Variants in NME7 observed in about 807,000 individuals in gnomAD.
The protein encoded by NME7 is NME/NM23 family member 7.
In NME7, 41 loss-of-function variants were observed where a neutral mutation model predicts 49.1. The observed-to-expected ratio is 0.83, with a 90% CI of 0.65 to 1.08. NME7 has a LOEUF of 1.08. NME7 is among the 50% of genes least tolerant of loss of function. The pLI is 0.00. For synonymous variants in NME7, 139 were observed against 150.6 expected (o/e 0.92, Z 0.56); for missense variants, 423 against 463.4 (o/e 0.91, Z 0.80).
chr1:169,223,774 C>CATAT lies in NME7; in HGVS notation c.990+6940_990+6943dup, dbSNP rs369704336. On this transcript the variant is annotated intron_variant, in intron 10 of 11. Coordinates refer to ENST00000367811, the MANE Select transcript of NME7 (RefSeq NM_013330.5). ...TGGAATATGTGTATGGGAATACATG[C>CATAT]ATATATATATATAGAGAGAGAGAGA... Among the ~76,000 whole-genome samples, 720 of 151,018 alleles carry CATAT rather than the reference C, an allele frequency of 4.8e-3. 6 individuals are homozygous for CATAT. Among genetic ancestry groups the CATAT allele is most frequent in the African/African-American group, 0.016 (660 of 41,008 alleles).
At chr1:169,269,775 A>T (rs1288643763) in intron 7 of NME7, among the ~76,000 whole-genome samples, 5 of 134,508 alleles carry the variant, frequency 3.7e-5, no homozygotes, top group Non-Finnish European at 8.7e-5. Context: ...ATTGGTCAAT[A>T]TTCTAATAAA....
chr1:169,237,578 GA>G lies in NME7; in HGVS notation c.819+44del, dbSNP rs142584535. 3.6e-3 allele frequency: 5,212 copies of G among 1,437,852 alleles called. 82 individuals carry two copies. In the African/African-American group the frequency reaches 0.048, roughly 13 times the overall value. 89.1% of individuals were successfully genotyped at this position (1,437,852 alleles called of 1,614,324 possible). On this transcript the variant is annotated intron_variant, in intron 8 of 11. Transcript: ENST00000367811. ...TGTAAAGCATTTTATAACTATTTTT[GA>G]AAAAAATCCTCACAAATATTATGGT...
chr1:169,296,651 T>C (rs1265807306), intron 6 of NME7, among the ~76,000 whole-genome samples: 2 of 152,176 alleles, frequency 1.3e-5, no homozygotes, highest in Non-Finnish European at 2.9e-5. Flanking sequence ...GTTAAGTTTA[T>C]AAATGTCCAA....
At chr1:169,345,329 A>G (rs898111320) in intron 1 of NME7, among the ~76,000 whole-genome samples, 1 of 151,774 alleles carries the variant, frequency 6.6e-6, no homozygotes, top group African/African-American at 2.4e-5. Context: ...TTCTACTCCA[A>G]TACTTATCTC....
At chr1:169,233,004 A>G (rs937265610) in intron 9 of NME7, among the ~76,000 whole-genome samples, 5 of 137,020 alleles carry the variant, frequency 3.6e-5, no homozygotes, top group Non-Finnish European at 7.6e-5. Flanking sequence ...CTGCAACCTC[A>G]GCCTCCAGGG....
At chr1:169,183,753 G>A (rs1449029890) in intron 10 of NME7, among the ~76,000 whole-genome samples, 1 of 151,730 alleles carries the variant, frequency 6.6e-6, no homozygotes, top group Non-Finnish European at 1.5e-5. Context: ...AGTGAGCCGA[G>A]ATCACGCCAC....
chr1:169,342,362 C>G (rs574854873), intron 1 of NME7, among the ~76,000 whole-genome samples: 1 of 151,616 alleles, frequency 6.6e-6, no homozygotes, highest in African/African-American at 2.4e-5. Flanking sequence ...CTGAGGCCTC[C>G]GCAGCCATGT....
chr1:169,328,534 T>A (rs191540949), intron 1 of NME7, among the ~76,000 whole-genome samples: 1 of 152,122 alleles, frequency 6.6e-6, no homozygotes, highest in Non-Finnish European at 1.5e-5. Flanking sequence ...AGGTAAATAG[T>A]TTTTTAAAGG....
chr1:169,283,489 T>C (rs1650123969), intron 7 of NME7, among the ~76,000 whole-genome samples: 1 of 152,236 alleles, frequency 6.6e-6, no homozygotes, highest in East Asian at 1.9e-4. Context: ...CCTGTCATTA[T>C]GATGTTAGCT....
intron 1 of NME7, among the ~76,000 whole-genome samples, chr1:169,325,691 T>G (rs1652034893): frequency 6.6e-6 from 1 of 152,168 alleles, no homozygotes; most frequent in South Asian, 2.1e-4. Context: ...TCTTTTTAAG[T>G]TAATAATTGA....
intron 10 of NME7, among the ~76,000 whole-genome samples, chr1:169,228,683 CAAAAA>C (rs747705690): frequency 2.2e-5 from 2 of 90,426 alleles, no homozygotes; most frequent in Non-Finnish European, 4.1e-5. Flanking sequence ...GACTCCGTCT[CAAAAA>C]AAAAAAAAAA....
chr1:169,152,644 T>G (rs879622513), intron 11 of NME7, among the ~76,000 whole-genome samples: 3 of 152,172 alleles, frequency 2.0e-5, no homozygotes, highest in Admixed American at 2.0e-4. Flanking sequence ...AGACAGATAC[T>G]CTTCAAAGAA....
At chr1:169,354,467 A>T (rs896627062) in intron 1 of NME7, among the ~76,000 whole-genome samples, 1 of 151,814 alleles carries the variant, frequency 6.6e-6, no homozygotes, top group Non-Finnish European at 1.5e-5. Flanking sequence ...ATAGCATAAC[A>T]GGGTGACTAT....
At chr1:169,317,854 C>T (rs997990858) in intron 3 of NME7, among the ~76,000 whole-genome samples, 1 of 152,204 alleles carries the variant, frequency 6.6e-6, no homozygotes, top group Non-Finnish European at 1.5e-5. Flanking sequence ...AGTGCTCTCT[C>T]TCTCTACTTC....
Position 169,263,768 on chromosome 1 carries a change from C to T in NME7, c.754+23535G>A, listed in dbSNP as rs1030687566. 6.0e-5 allele frequency among the ~76,000 whole-genome samples: 8 copies of T among 132,526 alleles called. 2 individuals are homozygous for T. The highest frequency in any genetic ancestry group is 1.1e-4 in the Non-Finnish European group (6 of 56,354). 86.9% of individuals were successfully genotyped at this position (132,526 alleles called of 152,430 possible). A position where few individuals can be genotyped will look rare whatever the true frequency, so the allele number is the denominator to read the frequency against. On this transcript the variant is annotated intron_variant, in intron 7 of 11. Coordinates refer to ENST00000367811, the MANE Select transcript of NME7 (RefSeq NM_013330.5). ...AAATGTGGAGAACCACCACAAGATACTTCAAGATCACCCCCAAGACACATA... is the reference window on the plus strand; with the variant it reads ...AAATGTGGAGAACCACCACAAGATATTTCAAGATCACCCCCAAGACACATA...
intron 5 of NME7, among the ~76,000 whole-genome samples, chr1:169,301,207 G>A (rs1247728557): frequency 6.6e-6 from 1 of 151,904 alleles, no homozygotes; most frequent in Non-Finnish European, 1.5e-5. Context: ...TGCAGAATCT[G>A]TAACGACCTT....
intron 8 of NME7, among the ~76,000 whole-genome samples, chr1:169,237,076 G>T (rs768416572): frequency 3.3e-5 from 5 of 152,016 alleles, no homozygotes; most frequent in Non-Finnish European, 7.4e-5. Flanking sequence ...AGGAGTGTAT[G>T]AACAACGCAA....
intron 1 of NME7, among the ~76,000 whole-genome samples, chr1:169,341,961 C>T (rs1383619396): frequency 6.6e-6 from 1 of 152,074 alleles, no homozygotes; most frequent in African/African-American, 2.4e-5. Flanking sequence ...CTTGCCTTGT[C>T]TCAGATGAGA....
At chr1:169,357,903 A>T (rs897424730) in intron 1 of NME7, among the ~76,000 whole-genome samples, 6 of 152,040 alleles carry the variant, frequency 3.9e-5, no homozygotes, top group Non-Finnish European at 5.9e-5. Flanking sequence ...GGGATCTCAC[A>T]CCTAATACCT....
Sources: allele counts gnomAD v4.1 joint callset (sites outside exome capture counted in the v4.1 genomes callset), GRCh38; gene constraint gnomAD v4.1.1; transcripts MANE v1.5; gene names NCBI Gene and HGNC (gene_info 2026-07-23, HGNC 2026-07-21).